The following CDK6 variants were observed in gnomAD, a reference collection of about 807,000 sequenced individuals.
The protein encoded by CDK6 is cyclin dependent kinase 6, also known as cyclin-dependent kinase 6.
A neutral mutation model predicts 37.1 loss-of-function variants in CDK6; 6 were observed. The observed-to-expected ratio is 0.16, with a 90% CI of 0.09 to 0.32. The LOEUF is 0.32. Among genes scored for constraint, CDK6 ranks in the 10% least tolerant of loss-of-function variants. The pLI is 1.00. For missense variants in CDK6, 224 were observed against 418.9 expected, an observed-to-expected ratio of 0.53 and a Z score of 4.06; for synonymous variants, 160 against 161.3, an observed-to-expected ratio of 0.99 and a Z score of 0.06.
intron 2 of CDK6, among the ~76,000 whole-genome samples, chr7:92,810,124 T>C (rs1341003304): frequency 6.6e-6 from 1 of 152,232 alleles, no homozygotes; most frequent in Non-Finnish European, 1.5e-5. Flanking sequence ...TTTGAAAATA[T>C]ATATGCGTGT....
chr7:92,787,937 T>A (rs1800187413), intron 2 of CDK6, among the ~76,000 whole-genome samples: 1 of 152,148 alleles, frequency 6.6e-6, no homozygotes, highest in South Asian at 2.1e-4. Context: ...CTTATATTTT[T>A]AAATTAGATC....
intron 3 of CDK6, among the ~76,000 whole-genome samples, chr7:92,772,051 A>G (rs545706824): frequency 8.7e-4 from 132 of 152,342 alleles, no homozygotes; most frequent in African/African-American, 2.5e-3. Flanking sequence ...TTATATATTC[A>G]GCCTAAAACT....
chr7:92,669,069 A>T (rs1267595633), intron 5 of CDK6, among the ~76,000 whole-genome samples: 1 of 152,170 alleles, frequency 6.6e-6, no homozygotes, highest in East Asian at 1.9e-4. Context: ...CACTATCATC[A>T]AAGGAACCCT....
At chr7:92,768,087 C>G (rs1799626407) in intron 3 of CDK6, among the ~76,000 whole-genome samples, 1 of 152,018 alleles carries the variant, frequency 6.6e-6, no homozygotes, top group Admixed American at 6.6e-5. Flanking sequence ...AATCTTGGGA[C>G]TCAGGTTGGA....
chr7:92,680,084 C>T (rs1045165801), intron 4 of CDK6, among the ~76,000 whole-genome samples: 33 of 151,850 alleles, frequency 2.2e-4, no homozygotes, highest in African/African-American at 7.7e-4. Context: ...AATTCTAATT[C>T]TGCCAAGCAC....
chr7:92,723,618 C>T (rs753806198), intron 4 of CDK6, among the ~76,000 whole-genome samples: 3 of 152,086 alleles, frequency 2.0e-5, no homozygotes, highest in Non-Finnish European at 2.9e-5. Flanking sequence ...ATGCAGTACC[C>T]TGTAGGAACA....
At chr7:92,696,443 G>A (rs1001786123) in intron 4 of CDK6, among the ~76,000 whole-genome samples, 4 of 152,056 alleles carry the variant, frequency 2.6e-5, no homozygotes, top group African/African-American at 9.7e-5. Flanking sequence ...TATTCTTAAT[G>A]CTAAGAAGAT....
chr7:92,780,545 G>A (rs1799959726), intron 2 of CDK6, among the ~76,000 whole-genome samples: 1 of 151,884 alleles, frequency 6.6e-6, no homozygotes, highest in Non-Finnish European at 1.5e-5. Flanking sequence ...CGGCTCACGA[G>A]GTCAGGAGAT....
At chr7:92,643,818 C>G (rs933559434) in intron 5 of CDK6, among the ~76,000 whole-genome samples, 2 of 152,192 alleles carry the variant, frequency 1.3e-5, no homozygotes, top group Non-Finnish European at 2.9e-5. Flanking sequence ...TAAAACTGTT[C>G]TCATTTATTT....
chr7:92,694,041 C>T (rs1797654424), intron 4 of CDK6, among the ~76,000 whole-genome samples: 1 of 152,146 alleles, frequency 6.6e-6, no homozygotes, highest in Non-Finnish European at 1.5e-5. Flanking sequence ...TTATTAGTCT[C>T]ATCTTTAGTC....
At chr7:92,806,607 G>A (rs1412251558) in intron 2 of CDK6, among the ~76,000 whole-genome samples, 1 of 152,286 alleles carries the variant, frequency 6.6e-6, no homozygotes. Context: ...GTCAGTTCAT[G>A]TTATAACATG....
intron 3 of CDK6, among the ~76,000 whole-genome samples, chr7:92,733,853 T>G (rs926088507): frequency 6.6e-6 from 1 of 152,170 alleles, no homozygotes; most frequent in African/African-American, 2.4e-5. Context: ...CTGAATATTT[T>G]TTGAAAATAA....
chr7:92,728,820 T>C (rs936823046), intron 3 of CDK6, among the ~76,000 whole-genome samples: 6 of 152,162 alleles, frequency 3.9e-5, no homozygotes, highest in Admixed American at 1.3e-4. Flanking sequence ...CTAGACACAA[T>C]TGGAATTCTG....
intron 3 of CDK6, among the ~76,000 whole-genome samples, chr7:92,750,215 G>C (rs1365341524): frequency 6.6e-6 from 1 of 152,166 alleles, no homozygotes; most frequent in East Asian, 1.9e-4. Flanking sequence ...ATAGGAACTT[G>C]GTTACAGTCC....
At chr7:92,746,829 T>C (rs1345485770) in intron 3 of CDK6, among the ~76,000 whole-genome samples, 1 of 152,208 alleles carries the variant, frequency 6.6e-6, no homozygotes, top group Non-Finnish European at 1.5e-5. Flanking sequence ...ATTTCTCTTA[T>C]TGTAGTGAGA....
intron 5 of CDK6, among the ~76,000 whole-genome samples, chr7:92,647,581 C>T (rs1026989848): frequency 5.3e-5 from 8 of 152,222 alleles, no homozygotes; most frequent in Non-Finnish European, 7.3e-5. Flanking sequence ...AATTCATATA[C>T]TCATTCAACG....
Position 92,776,624 on chromosome 7 carries a change from T to C in CDK6, c.234-1793A>G, listed in dbSNP as rs186931830. Among the ~76,000 whole-genome samples the C allele has an allele frequency of 2.0e-3, 307 of 152,380 alleles. 1 individual carries two copies. Among genetic ancestry groups the C allele is most frequent in the African/African-American group, 7.1e-3 (294 of 41,588 alleles). On this transcript the variant is annotated intron_variant, in intron 2 of 7. Coordinates refer to ENST00000424848, the MANE Select transcript of CDK6 (RefSeq NM_001145306.2). Reference sequence around the variant, plus strand: ...ATTCTAACTGGTGTGAGATGGCATCTCATTGTGGTTTTGATTTGCATTTCT... The same window carrying C: ...ATTCTAACTGGTGTGAGATGGCATCCCATTGTGGTTTTGATTTGCATTTCT...
intron 4 of CDK6, among the ~76,000 whole-genome samples, chr7:92,722,127 G>A (rs1487217411): frequency 6.6e-6 from 1 of 151,796 alleles, no homozygotes; most frequent in African/African-American, 2.4e-5. Flanking sequence ...AATAATACAA[G>A]CTTTTATAAT....
rs3731355 is a variant in CDK6, at chr7:92,622,935, A to G, written c.698+101T>C. On this transcript the variant is annotated intron_variant, in intron 6 of 7. Transcript: ENST00000424848. The stretch of plus-strand genomic sequence containing the variant: ...CTGTCTGCAGCAGCTGCTTGAAGTA[A>G]GAAAGACAAGAGATAAACACATGAT... 9.5e-3 allele frequency: 7,013 copies of G among 734,392 alleles called. 42 individuals are homozygous for G. Among genetic ancestry groups the G allele is most frequent in the Non-Finnish European group, 0.012 (5,128 of 428,522 alleles). 45.5% of individuals were successfully genotyped at this position (734,392 alleles called of 1,614,324 possible).
Sources: allele counts gnomAD v4.1 joint callset (sites outside exome capture counted in the v4.1 genomes callset), GRCh38; gene constraint gnomAD v4.1.1; transcripts MANE v1.5; gene names NCBI Gene and HGNC (gene_info 2026-07-23, HGNC 2026-07-21).